TAF1: variants seen among roughly 807,000 people sequenced by gnomAD.
TAF1 encodes the protein TATA-box binding protein associated factor 1.
TAF1 carries 2 observed loss-of-function variants against 138.5 expected under a neutral mutation model. That is an observed-to-expected ratio of 0.01 (90% CI 0.01 to 0.05). The LOEUF is 0.05. Ranked by LOEUF, TAF1 falls within the 10% of genes least tolerant of loss-of-function variation. TAF1 has a pLI of 1.00. For missense variants in TAF1, 709 were observed against 1,478.0 expected, an observed-to-expected ratio of 0.48 and a Z score of 8.53; for synonymous variants, 437 against 503.2, an observed-to-expected ratio of 0.87 and a Z score of 1.76.
intron 32 of TAF1, among the ~76,000 whole-genome samples, chrX:71,433,154 G>A (rs1338107213): frequency 8.9e-6 from 1 of 112,301 alleles, no homozygotes; most frequent in Non-Finnish European, 1.9e-5. Flanking sequence ...AGAATATTTG[G>A]AGTTGAAAGT....
At chrX:71,528,899 CTGCTGATTGGTCCATTTTACAGAG>C (rs2040050269) in intron 14 of TAF1, among the ~76,000 whole-genome samples, 2 of 111,765 alleles carry the variant, frequency 1.8e-5, no homozygotes, top group African/African-American at 3.3e-5. Context: ...CGCCCACATC[CTGCTGATTGGTCCATTTTACAGAG>C]TGCTGATTGG....
intron 13 of TAF1, among the ~76,000 whole-genome samples, chrX:71,498,302 G>A (rs2039434845): frequency 1.8e-5 from 2 of 111,681 alleles, no homozygotes; most frequent in South Asian, 3.8e-4. Context: ...CATCCTTGAG[G>A]TCCAGAACCA....
chrX:71,382,396 TGG>T, intron 9 of TAF1, 138 bp from the exon 10 acceptor site: 1 of 727,964 alleles, frequency 1.4e-6, no homozygotes, highest in Non-Finnish European at 1.9e-6. Context: ...AGAAGTTACC[TGG>T]GGGGGGGTGG....
At chrX:71,515,282 A>G (rs1341382728) in intron 13 of TAF1, among the ~76,000 whole-genome samples, 1 of 110,839 alleles carries the variant, frequency 9.0e-6, no homozygotes, top group African/African-American at 3.3e-5. Flanking sequence ...TCAGCATGCA[A>G]TGTGAGGCCT....
At chrX:71,386,177 A>AT (rs1491430336) in intron 14 of TAF1, among the ~76,000 whole-genome samples, 3 of 110,255 alleles carry the variant, frequency 2.7e-5, no homozygotes, top group East Asian at 5.7e-4. Flanking sequence ...AAAAAAAAAA[A>AT]GATCTTTTTC....
intron 35 of TAF1, chrX:71,459,087 C>A: frequency 1.1e-6 from 1 of 883,105 alleles, no homozygotes; most frequent in South Asian, 2.2e-5. Flanking sequence ...GGGTGAGAGC[C>A]CTTGGTTAAC....
intron 13 of TAF1, among the ~76,000 whole-genome samples, chrX:71,517,482 A>G (rs1322329503): frequency 1.8e-5 from 2 of 111,741 alleles, no homozygotes; most frequent in Non-Finnish European, 3.8e-5. Context: ...ACCCACAAAA[A>G]TTAAAATTAA....
chrX:71,446,365 C>T (rs951973270), intron 32 of TAF1, among the ~76,000 whole-genome samples: 4 of 111,995 alleles, frequency 3.6e-5, no homozygotes, highest in Admixed American at 9.5e-5. Context: ...ACCTCTTTAA[C>T]GCTGGGAATA....
rs778622961 is a variant in TAF1 at position 71,382,268 on chromosome X, C to T, written c.1538-268C>T. Among the ~76,000 whole-genome samples the T allele has an allele frequency of 5.4e-5, 6 of 110,798 alleles. No individual in the cohort carries two copies. In the East Asian group the frequency reaches 1.1e-3, roughly 21 times the overall value. On this transcript the variant is annotated intron_variant, in intron 9 of 37. Coordinates refer to ENST00000423759, the MANE Select transcript of TAF1 (RefSeq NM_004606.5). ...CTAGGGAAAACTCATGTAGGACTGT[C>T]GGAAAGTAGTACCTTTGAGATGTCA...
intron 13 of TAF1, among the ~76,000 whole-genome samples, chrX:71,501,266 G>T (rs1264821873): frequency 9.1e-6 from 1 of 109,931 alleles, no homozygotes; most frequent in Admixed American, 9.8e-5. Context: ...TCTGAGGAGG[G>T]ACCCTAAAAT....
In TAF1 at chrX:71,381,728, T is replaced by G; in HGVS notation, c.1361-15T>G. 8.3e-7 allele frequency: 1 copy of G among 1,205,040 alleles called. No homozygotes were observed. Among genetic ancestry groups the G allele is most frequent in the Non-Finnish European group, 1.1e-6 (1 of 892,443 alleles). Reference sequence around the variant, plus strand: ...TGTTTTCTCTGTTACTATTTCCTCCTTGCACTTTGACTAGGTTTTGCAGCC... The same window carrying G: ...TGTTTTCTCTGTTACTATTTCCTCCGTGCACTTTGACTAGGTTTTGCAGCC... On this transcript the variant is annotated splice_polypyrimidine_tract_variant and intron_variant, in intron 8 of 37. Coordinates refer to ENST00000423759, the MANE Select transcript of TAF1 (RefSeq NM_004606.5).
chrX:71,412,889 T>A (rs1434996857), intron 28 of TAF1, among the ~76,000 whole-genome samples: 1 of 112,400 alleles, frequency 8.9e-6, no homozygotes, highest in African/African-American at 3.2e-5. Context: ...TTGCTTTTTT[T>A]AATTTTAATT....
intron 18 of TAF1, 191 bp downstream of exon 18, chrX:71,389,856 GT>G (rs932730606): frequency 1.4e-4 from 43 of 307,699 alleles, no homozygotes; most frequent in South Asian, 2.5e-4. Context: ...ATATGGGTTT[GT>G]TTTTTTTTGT....
chrX:71,504,441 C>G (rs1460238282), intron 13 of TAF1, among the ~76,000 whole-genome samples: 3 of 109,740 alleles, frequency 2.7e-5, no homozygotes, highest in Non-Finnish European at 5.7e-5. Context: ...CTGTCATTGC[C>G]TCTGATAGAA....
chrX:71,424,240 T>TGG lies in TAF1; in HGVS notation c.4753+4_4753+5dup. The TGG allele has an allele frequency of 8.5e-7, 1 of 1,171,496 alleles. No individual in the cohort carries two copies. The highest frequency in any genetic ancestry group is 1.2e-6 in the Non-Finnish European group (1 of 867,669). On this transcript the variant is annotated splice_region_variant and intron_variant, in intron 32 of 37. Transcript: ENST00000423759. ...TGGCCAACAGTGTTAAGTATAATGG[T>TGG]GGGTATTTCTCATTATTTTCTTTCC...
intron 15 of TAF1, 47 bp downstream of exon 15, chrX:71,387,508 G>T: frequency 8.4e-7 from 1 of 1,191,109 alleles, no homozygotes; most frequent in Non-Finnish European, 1.1e-6. Context: ...TACAGAAAGG[G>T]TATGTTGGGG....
intron 13 of TAF1, among the ~76,000 whole-genome samples, chrX:71,500,014 A>G (rs986556587): frequency 9.0e-6 from 1 of 111,054 alleles, no homozygotes; most frequent in Admixed American, 9.6e-5. Flanking sequence ...CCCTCCTCCT[A>G]CAGCTTGAAG....
At chrX:71,507,553 AT>A (rs201608888) in intron 13 of TAF1, among the ~76,000 whole-genome samples, 1,763 of 110,699 alleles carry the variant, frequency 0.016, 43 homozygotes, top group African/African-American at 0.055. Flanking sequence ...AAAAAGAGGA[AT>A]GCATCAAATG....
intron 13 of TAF1, among the ~76,000 whole-genome samples, chrX:71,504,811 T>TA (rs2039593506): frequency 2.1e-5 from 1 of 48,107 alleles, no homozygotes. Flanking sequence ...TGATTGAGCA[T>TA]AAAAATGAAG....
Sources: gnomAD v4.1 joint callset for allele counts (sites outside exome capture counted in the v4.1 genomes callset) on GRCh38, gnomAD v4.1.1 for gene constraint, MANE v1.5 for transcripts, NCBI Gene and HGNC (gene_info 2026-07-23, HGNC 2026-07-21) for gene names.